Variants in CMIP observed in about 807,000 individuals in gnomAD.
CMIP encodes the protein c-Maf inducing protein, also known as C-Maf-inducing protein.
A neutral mutation model predicts 97.3 loss-of-function variants in CMIP; 13 were observed. The ratio of observed to expected loss-of-function variants is 0.13; its 90% confidence interval spans 0.09 to 0.21. The LOEUF is 0.21. Among genes scored for constraint, CMIP ranks in the 10% least tolerant of loss-of-function variants. CMIP has a pLI of 1.00. For synonymous variants in CMIP, 538 were observed against 436.3 expected, an observed-to-expected ratio of 1.23 and a Z score of -2.91; for missense variants, 847 against 1,024.9, an observed-to-expected ratio of 0.83 and a Z score of 2.37.
intron 2 of CMIP, among the ~76,000 whole-genome samples, chr16:81,613,356 G>T (rs894213288): frequency 2.0e-5 from 3 of 152,160 alleles, no homozygotes; most frequent in African/African-American, 7.2e-5. Context: ...TTCCAGGGCT[G>T]GATTGCAGGG....
intron 2 of CMIP, among the ~76,000 whole-genome samples, chr16:81,612,509 C>T (rs570530805): frequency 6.6e-6 from 1 of 152,188 alleles, no homozygotes; most frequent in African/African-American, 2.4e-5. Flanking sequence ...AGGTCTCACT[C>T]TCTAGCTTCC....
chr16:81,456,267 C>T (rs951402995), intron 1 of CMIP, among the ~76,000 whole-genome samples: 7 of 152,190 alleles, frequency 4.6e-5, no homozygotes, highest in Non-Finnish European at 7.3e-5. Flanking sequence ...CCATTTCCTC[C>T]AGTCATTCTC....
chr16:81,486,103 G>A (rs989835956), intron 1 of CMIP, among the ~76,000 whole-genome samples: 7 of 152,374 alleles, frequency 4.6e-5, no homozygotes, highest in Admixed American at 6.5e-5. Flanking sequence ...TGTTCTTGGC[G>A]TGTTGGTTTG....
chr16:81,661,515 A>T (rs2092546323), intron 6 of CMIP, among the ~76,000 whole-genome samples: 1 of 152,078 alleles, frequency 6.6e-6, no homozygotes, highest in Admixed American at 6.5e-5. Flanking sequence ...TAATAATTTT[A>T]TGTCCTTGGA....
intron 1 of CMIP, among the ~76,000 whole-genome samples, chr16:81,575,066 A>G (rs1299411792): frequency 6.6e-6 from 1 of 152,224 alleles, no homozygotes; most frequent in Non-Finnish European, 1.5e-5. Flanking sequence ...CTGCTCAAGG[A>G]GAGTTGCCTC....
At chr16:81,466,479 A>T (rs1907213579) in intron 1 of CMIP, among the ~76,000 whole-genome samples, 1 of 152,180 alleles carries the variant, frequency 6.6e-6, no homozygotes, top group South Asian at 2.1e-4. Flanking sequence ...TGATCTTGGC[A>T]ATGGTTTTGA....
chr16:81,582,842 T>C (rs913069403), intron 1 of CMIP, among the ~76,000 whole-genome samples: 1 of 150,960 alleles, frequency 6.6e-6, no homozygotes, highest in African/African-American at 2.4e-5. Context: ...TCGGCGGGGG[T>C]AAAACGAAAA....
chr16:81,640,804 G>A (rs1156674419), intron 3 of CMIP, among the ~76,000 whole-genome samples: 1 of 146,824 alleles, frequency 6.8e-6, no homozygotes, highest in Non-Finnish European at 1.5e-5. Flanking sequence ...TTTTTATAAC[G>A]ACGCCAGTCA....
intron 1 of CMIP, among the ~76,000 whole-genome samples, chr16:81,473,982 T>G (rs1907724393): frequency 6.6e-6 from 1 of 152,114 alleles, no homozygotes; most frequent in South Asian, 2.1e-4. Flanking sequence ...TCCCATCCCT[T>G]TGCTCCTGGG....
intron 1 of CMIP, among the ~76,000 whole-genome samples, chr16:81,593,725 G>A (rs1323433406): frequency 3.9e-5 from 6 of 152,138 alleles, no homozygotes; most frequent in Non-Finnish European, 8.8e-5. Context: ...GCCTCACCCG[G>A]TGCCTGCCTG....
At position 81,701,717 on chromosome 16, in the gene CMIP, A is replaced by G. The variant is rs369298377; in HGVS notation, c.1813A>G (p.Ile605Val). 103 of 1,613,830 alleles carry G rather than the reference A, an allele frequency of 6.4e-5. No homozygotes were observed. Among genetic ancestry groups the G allele is most frequent in the Non-Finnish European group, 8.7e-5 (103 of 1,179,898 alleles). Residue 605 changes from isoleucine (I) to valine (V), a missense_variant, in exon 16 of 21, where the codon ATC (isoleucine) becomes GTC (valine). Coordinates refer to ENST00000537098, the MANE Select transcript of CMIP (RefSeq NM_198390.3). ...CGACAACAACGACACCCAACTGCAG[A>G]TCATCTCAACCCTGGAGAGCACAGA... ...IIDNNDTQLQIISTLESTDVG... is the reference protein window; with the variant it reads ...IIDNNDTQLQVISTLESTDVG...
chr16:81,493,110 G>T (rs2089431152), intron 1 of CMIP, among the ~76,000 whole-genome samples: 1 of 152,092 alleles, frequency 6.6e-6, no homozygotes, highest in South Asian at 2.1e-4. Context: ...TGGGAGACCC[G>T]AGTTCCTGCC....
At chr16:81,541,024 T>C (rs184124689) in intron 1 of CMIP, among the ~76,000 whole-genome samples, 75 of 151,972 alleles carry the variant, frequency 4.9e-4, no homozygotes, top group Admixed American at 4.4e-3. Flanking sequence ...CGTGGGCTTA[T>C]TTGTTTTGGG....
chr16:81,631,197 G>A (rs947688764), intron 3 of CMIP: 3 of 152,454 alleles, frequency 2.0e-5, no homozygotes, highest in East Asian at 3.9e-4. Flanking sequence ...TACTAGGGTC[G>A]GGAGCTCTGC....
chr16:81,699,208 C>G (rs766336525), intron 14 of CMIP, among the ~76,000 whole-genome samples: 12 of 152,074 alleles, frequency 7.9e-5, no homozygotes, highest in Non-Finnish European at 1.6e-4. Context: ...GAGCCAAGAT[C>G]GCACCACTAC....
chr16:81,659,237 A>G (rs914474772), intron 5 of CMIP, among the ~76,000 whole-genome samples: 3 of 152,226 alleles, frequency 2.0e-5, no homozygotes, highest in African/African-American at 7.2e-5. Flanking sequence ...TGTGCCAGAC[A>G]CAGATAGAGA....
chr16:81,664,586 C>G (rs993999219), intron 7 of CMIP: 2 of 582,006 alleles, frequency 3.4e-6, no homozygotes, highest in Non-Finnish European at 6.1e-6. Flanking sequence ...AATACCGCAG[C>G]TGGAGGAGAA....
intron 3 of CMIP, among the ~76,000 whole-genome samples, chr16:81,646,699 C>G (rs2092368252): frequency 6.6e-6 from 1 of 152,208 alleles, no homozygotes; most frequent in Non-Finnish European, 1.5e-5. Flanking sequence ...AATTGCCTTT[C>G]TAGACATTTC....
intron 1 of CMIP, among the ~76,000 whole-genome samples, chr16:81,533,512 T>C (rs898968): frequency 6.6e-6 from 1 of 152,210 alleles, no homozygotes; most frequent in South Asian, 2.1e-4. Flanking sequence ...GGAGTCTCTT[T>C]TTGTCACCCA....
Sources: allele counts gnomAD v4.1 joint callset (sites outside exome capture counted in the v4.1 genomes callset), GRCh38; gene constraint gnomAD v4.1.1; transcripts MANE v1.5; gene names NCBI Gene and HGNC (gene_info 2026-07-23, HGNC 2026-07-21).